The following IQGAP3 variants were observed in gnomAD, a reference collection of about 807,000 sequenced individuals.
The protein encoded by IQGAP3 is IQ motif containing GTPase activating protein 3, also known as ras GTPase-activating-like protein IQGAP3.
In IQGAP3, 165 loss-of-function variants were observed where a neutral mutation model predicts 208.2. The ratio of observed to expected loss-of-function variants is 0.79; its 90% CI spans 0.70 to 0.90. The LOEUF is 0.90. IQGAP3 is among the 40% of genes least tolerant of loss of function. IQGAP3 has a pLI of 0.00. For synonymous variants in IQGAP3, 703 were observed against 803.6 expected (o/e 0.87, Z 2.12); for missense variants, 1,811 against 2,043.1 (o/e 0.89, Z 2.19).
chr1:156,564,763 G>A (rs543708189), intron 4 of IQGAP3, 72 bp from the exon 5 acceptor site: 25 of 1,057,716 alleles, frequency 2.4e-5, no homozygotes, highest in East Asian at 2.1e-4. Flanking sequence ...AGGGGGTGCC[G>A]AGGAATGGGT....
rs1187899804 is a variant in IQGAP3, at chr1:156,556,781, C to A, written c.1130-88G>T. On this transcript the variant is annotated intron_variant, in intron 11 of 37. Transcript: ENST00000361170. Reference sequence around the variant, plus strand: ...CACCAACTAGGCTCCGCCGGGGGATCTTGGTGGGGAAATGGCTTTCCAACT... The same window carrying A: ...CACCAACTAGGCTCCGCCGGGGGATATTGGTGGGGAAATGGCTTTCCAACT... 2.4e-6 allele frequency: 3 copies of A among 1,256,770 alleles called. No homozygotes were observed. The African/African-American group carries it at 4.6e-5, about 19-fold the overall frequency. 77.9% of individuals were successfully genotyped at this position (1,256,770 alleles called of 1,614,324 possible).
At chr1:156,562,796 T>G (rs908561468) in intron 8 of IQGAP3, 131 bp from the exon 9 acceptor site, 4 of 848,664 alleles carry the variant, frequency 4.7e-6, no homozygotes, top group Non-Finnish European at 7.9e-6. Flanking sequence ...CTGCTCAGAA[T>G]TCAGGAATTG....
At chr1:156,560,504 C>G (rs1676099636) in intron 11 of IQGAP3, among the ~76,000 whole-genome samples, 1 of 152,178 alleles carries the variant, frequency 6.6e-6, no homozygotes, top group African/African-American at 2.4e-5. Context: ...GAGTGAGCCT[C>G]TGTCTCAAAC....
At chr1:156,561,058 T>C (rs986968923) in intron 10 of IQGAP3, 37 bp from the exon 11 acceptor site, 2 of 1,473,440 alleles carry the variant, frequency 1.4e-6, no homozygotes, top group East Asian at 2.3e-5. Context: ...ATGGAGTCCT[T>C]CCGGGGCCAT....
chr1:156,531,100 C>A (rs1674373037), intron 33 of IQGAP3, 60 bp downstream of exon 33: 1 of 1,155,500 alleles, frequency 8.7e-7, no homozygotes, highest in South Asian at 1.2e-5. Flanking sequence ...AGCAGCGGTG[C>A]AGGTGGGATG....
At chr1:156,531,793 T>A (rs529239199) in intron 32 of IQGAP3, among the ~76,000 whole-genome samples, 2 of 151,562 alleles carry the variant, frequency 1.3e-5, no homozygotes, top group Non-Finnish European at 3.0e-5. Context: ...TCAGTAGAGA[T>A]GGGGTTTCAC....
chr1:156,530,050 A>ACG, intron 34 of IQGAP3, 55 bp downstream of exon 34: 1 of 1,338,964 alleles, frequency 7.5e-7, no homozygotes, highest in Non-Finnish European at 1.0e-6. Flanking sequence ...ATGTATATGC[A>ACG]CGCACACACA....
Position 156,530,091 on chromosome 1 carries a change from G to T in IQGAP3, c.4404+14C>A, listed in dbSNP as rs1281311126. The T allele has an allele frequency of 3.2e-6, 5 of 1,577,774 alleles. No individual in the cohort carries two copies. The Admixed American group carries it at 7.3e-5, about 23-fold the overall frequency. On this transcript the variant is annotated intron_variant, in intron 34 of 37. Coordinates refer to ENST00000361170, the MANE Select transcript of IQGAP3 (RefSeq NM_178229.5). ...GTACACACAGGCACACGGAGCCCAG[G>T]CCCAGGTTGTTACCTTGGCCAGCTC...
In IQGAP3 at chr1:156,534,009, C is replaced by T; in HGVS notation, c.3873G>A (p.Arg1291=). Residue 1291 remains arginine, a splice_region_variant and synonymous_variant, in exon 30 of 38, where the codon AGG becomes AGA. Coordinates refer to ENST00000361170, the MANE Select transcript of IQGAP3 (RefSeq NM_178229.5). ...CACCCTCCAGATCTCAGCCCCTCAC[C>T]CTGTGCGTGTTGACCAGCTCCCCCA... The part of the protein sequence containing the change: ...ITVGELVNTH[R]LLLEHQDCIA... 6.2e-7 allele frequency: 1 copy of T among 1,613,674 alleles called. No individual in the cohort carries two copies. Among genetic ancestry groups the T allele is most frequent in the Non-Finnish European group, 8.5e-7 (1 of 1,180,000 alleles).
intron 12 of IQGAP3, 86 bp from the exon 13 acceptor site, chr1:156,554,478 A>C: frequency 7.4e-7 from 1 of 1,344,848 alleles, no homozygotes; most frequent in Non-Finnish European, 1.0e-6. Context: ...AGGTTCTTGA[A>C]TATCCCAGAG....
At chr1:156,535,087 G>C (rs1359247359) in intron 28 of IQGAP3, 76 bp downstream of exon 28, 2 of 1,093,156 alleles carry the variant, frequency 1.8e-6, no homozygotes, top group Non-Finnish European at 2.8e-6. Flanking sequence ...TTGTGTTTTT[G>C]TCTCAGTCTG....
At chr1:156,530,867 G>A (rs1051602960) in intron 33 of IQGAP3, among the ~76,000 whole-genome samples, 1 of 152,194 alleles carries the variant, frequency 6.6e-6, no homozygotes, top group Non-Finnish European at 1.5e-5. Context: ...GCCTTCCAGG[G>A]GAGCATTCCC....
At chr1:156,568,568 G>A (rs1676505177) in intron 2 of IQGAP3, among the ~76,000 whole-genome samples, 1 of 152,184 alleles carries the variant, frequency 6.6e-6, no homozygotes, top group African/African-American at 2.4e-5. Flanking sequence ...CATCCAGGAT[G>A]GAGTGCAGTG....
At chr1:156,535,300 G>T in intron 27 of IQGAP3, 53 bp from the exon 28 acceptor site, 2 of 1,296,030 alleles carry the variant, frequency 1.5e-6, no homozygotes, top group Non-Finnish European at 2.2e-6. Flanking sequence ...ATCTCTCTCT[G>T]CCAGAGATAA....
chr1:156,529,998 T>C, intron 34 of IQGAP3, 107 bp downstream of exon 34: 1 of 828,476 alleles, frequency 1.2e-6, no homozygotes, highest in Non-Finnish European at 1.9e-6. Flanking sequence ...CAATTTTGGG[T>C]GAGGACTCAT....
rs936870548 is a variant in IQGAP3, at chr1:156,526,145, G to GT, written c.*340dup. ...AAATCAAGCCGCTGGGGCAGTGCTT[G>GT]TAATATTGGGGTGACTGTGGGAGGG... is the stretch of plus-strand genomic sequence containing the variant. On this transcript the variant is annotated 3_prime_UTR_variant, in exon 38 of 38. Transcript: ENST00000361170. 1 of 234,146 alleles carries GT rather than the reference G, an allele frequency of 4.3e-6. No individual in the cohort carries two copies. Among genetic ancestry groups the GT allele is most frequent in the African/African-American group, 2.2e-5 (1 of 45,572 alleles). 14.5% of individuals were successfully genotyped at this position (234,146 alleles called of 1,614,324 possible).
At chr1:156,546,811 T>C (rs778505970) in intron 19 of IQGAP3, among the ~76,000 whole-genome samples, 26 of 152,154 alleles carry the variant, frequency 1.7e-4, no homozygotes, top group Non-Finnish European at 3.1e-4. Context: ...ACACCCTCAG[T>C]CATAATCAAG....
At position 156,549,632 on chromosome 1, in the gene IQGAP3, TG is replaced by T. The variant is rs1230629702; in HGVS notation, c.1825+628del. 2.0e-5 allele frequency among the ~76,000 whole-genome samples: 3 copies of T among 152,222 alleles called. No homozygotes were observed. The East Asian group carries it at 5.8e-4, about 29-fold the overall frequency. On this transcript the variant is annotated intron_variant, in intron 16 of 37. Coordinates refer to ENST00000361170, the MANE Select transcript of IQGAP3 (RefSeq NM_178229.5). The stretch of plus-strand genomic sequence containing the variant: ...TAGCCTGGGTGACAGAGTAAGACCC[TG>T]TCTTAAAAAAGAAGCACTTTATGCA...
chr1:156,562,232 C>G (rs1676188889), intron 9 of IQGAP3, among the ~76,000 whole-genome samples: 1 of 152,040 alleles, frequency 6.6e-6, no homozygotes, highest in African/African-American at 2.4e-5. Context: ...TAGGCAAATG[C>G]CCACCCATCC....
Sources: gnomAD v4.1 joint callset for allele counts (sites outside exome capture counted in the v4.1 genomes callset) on GRCh38, gnomAD v4.1.1 for gene constraint, MANE v1.5 for transcripts, NCBI Gene and HGNC (gene_info 2026-07-23, HGNC 2026-07-21) for gene names.